The following ARB2A variants were observed in gnomAD, a reference collection of about 807,000 sequenced individuals.
ARB2A encodes cotranscriptional regulator ARB2A.
the ARB2A span, among the ~76,000 whole-genome samples, chr5:93,898,375 T>C: frequency 2.0e-5 from 3 of 151,964 alleles, no homozygotes; most frequent in African/African-American, 7.2e-5. Context: ...ACAAGTGACA[T>C]ACACATATGG....
the ARB2A span, among the ~76,000 whole-genome samples, chr5:93,744,441 A>AAAAG: frequency 6.7e-6 from 1 of 148,326 alleles, no homozygotes; most frequent in Non-Finnish European, 1.5e-5. Context: ...TCTCAAAAAA[A>AAAAG]AAAAAAAAAA....
At chr5:93,841,167 T>C in the ARB2A span, among the ~76,000 whole-genome samples, 1 of 152,190 alleles carries the variant, frequency 6.6e-6, no homozygotes. Context: ...CAGCACATAC[T>C]GTGACATGTA....
At chr5:93,717,151 A>G in the ARB2A span, among the ~76,000 whole-genome samples, 1 of 152,150 alleles carries the variant, frequency 6.6e-6, no homozygotes, top group East Asian at 1.9e-4. Flanking sequence ...TATTGAGCAA[A>G]TGCTTTAAAG....
chr5:93,875,552 C>T, the ARB2A span, among the ~76,000 whole-genome samples: 1 of 152,078 alleles, frequency 6.6e-6, no homozygotes, highest in African/African-American at 2.4e-5. Flanking sequence ...TTTTTAACCT[C>T]ATCTCCATAC....
the ARB2A span, among the ~76,000 whole-genome samples, chr5:93,857,815 A>T: frequency 6.6e-6 from 1 of 151,960 alleles, no homozygotes; most frequent in Non-Finnish European, 1.5e-5. Flanking sequence ...ACGGTCTGGC[A>T]CTCCCTAGTG....
chr5:94,036,178 C>T, the ARB2A span, among the ~76,000 whole-genome samples: 2 of 152,034 alleles, frequency 1.3e-5, no homozygotes, highest in Non-Finnish European at 2.9e-5. Flanking sequence ...CAACTAGATG[C>T]ATATTTAAGC....
chr5:93,767,819 C>G, the ARB2A span, among the ~76,000 whole-genome samples: 1 of 151,364 alleles, frequency 6.6e-6, no homozygotes, highest in African/African-American at 2.4e-5. Context: ...ACGGCAAAAC[C>G]CCGTCTCTAC....
chr5:93,884,518 T>G, the ARB2A span, among the ~76,000 whole-genome samples: 1 of 151,656 alleles, frequency 6.6e-6, no homozygotes, highest in Non-Finnish European at 1.5e-5. Flanking sequence ...AATGATTCTA[T>G]TTTTAAATCA....
At chr5:94,004,647 T>C in the ARB2A span, among the ~76,000 whole-genome samples, 3 of 151,884 alleles carry the variant, frequency 2.0e-5, no homozygotes, top group Non-Finnish European at 4.4e-5. Context: ...GGACAAGTTA[T>C]AGGCTGGGAG....
chr5:93,665,958 C>T, the ARB2A span, among the ~76,000 whole-genome samples: 1 of 152,156 alleles, frequency 6.6e-6, no homozygotes, highest in Admixed American at 6.5e-5. Flanking sequence ...AAGCTTGTCT[C>T]ACTAGAAATC....
chr5:93,755,096 G>C, the ARB2A span, among the ~76,000 whole-genome samples: 1 of 152,080 alleles, frequency 6.6e-6, no homozygotes, highest in African/African-American at 2.4e-5. Context: ...TGCCTAATGG[G>C]AGTATATAGT....
the ARB2A span, chr5:93,911,055 G>A: frequency 3.3e-5 from 5 of 151,580 alleles, no homozygotes; most frequent in East Asian, 9.7e-4. Context: ...TCTCATTGTT[G>A]TTTAACATTA....
the ARB2A span, among the ~76,000 whole-genome samples, chr5:93,893,319 T>C: frequency 6.6e-6 from 1 of 152,232 alleles, no homozygotes; most frequent in African/African-American, 2.4e-5. Context: ...ATCTATATCT[T>C]ATTCAGACCT....
chr5:94,002,967 C>T, the ARB2A span, among the ~76,000 whole-genome samples: 4 of 151,998 alleles, frequency 2.6e-5, no homozygotes, highest in African/African-American at 9.7e-5. Flanking sequence ...TGGAAAAAAA[C>T]AGGAGACATA....
At chr5:93,844,112 T>TAA in the ARB2A span, among the ~76,000 whole-genome samples, 3 of 115,250 alleles carry the variant, frequency 2.6e-5, no homozygotes, top group African/African-American at 1.1e-4. Flanking sequence ...AAGATGAGGA[T>TAA]AAAAAAACAA....
the ARB2A span, among the ~76,000 whole-genome samples, chr5:94,001,793 C>G: frequency 6.6e-6 from 1 of 152,000 alleles, no homozygotes; most frequent in Admixed American, 6.6e-5. Context: ...TTCTAACATC[C>G]CTGCCACATC....
chr5:94,103,105 C>G, the ARB2A span, among the ~76,000 whole-genome samples: 1 of 151,952 alleles, frequency 6.6e-6, no homozygotes, highest in Non-Finnish European at 1.5e-5. Flanking sequence ...CATAAAGCAA[C>G]TACAAAATTA....
the ARB2A span, among the ~76,000 whole-genome samples, chr5:93,716,693 CAAAAAAAAAAAA>C: frequency 5.5e-5 from 2 of 36,684 alleles, no homozygotes; most frequent in East Asian, 2.0e-3. Flanking sequence ...ATAAGCTGTG[CAAAAAAAAAAAA>C]AAAAAAAAAA....
chr5:94,002,076 G>A, the ARB2A span, among the ~76,000 whole-genome samples: 1 of 151,912 alleles, frequency 6.6e-6, no homozygotes, highest in East Asian at 1.9e-4. Flanking sequence ...AGGGTGGGCT[G>A]GAGTTGAGTA....
Sources: allele counts gnomAD v4.1 joint callset (sites outside exome capture counted in the v4.1 genomes callset), GRCh38; gene constraint gnomAD v4.1.1; transcripts MANE v1.5; gene names NCBI Gene and HGNC (gene_info 2026-07-23, HGNC 2026-07-21).